UNC13C: variants seen among roughly 807,000 people sequenced by gnomAD.
UNC13C encodes the protein unc-13 homolog C.
Under a neutral mutation model 245.4 loss-of-function variants are expected in UNC13C, and 174 were observed. The ratio of observed to expected loss-of-function variants is 0.71; its 90% CI spans 0.63 to 0.80. UNC13C has a LOEUF of 0.80. Among genes scored for constraint, UNC13C ranks in the 30% least tolerant of loss-of-function variants. The pLI, the probability that UNC13C is intolerant of heterozygous loss-of-function variation, is 0.00. For synonymous variants in UNC13C, 992 were observed against 895.1 expected (o/e 1.11, Z -1.93); for missense variants, 2,829 against 2,602.9 (o/e 1.09, Z -1.89).
At chr15:54,370,995 A>G (rs2039474984) in intron 17 of UNC13C, among the ~76,000 whole-genome samples, 1 of 152,164 alleles carries the variant, frequency 6.6e-6, no homozygotes, top group African/African-American at 2.4e-5. Flanking sequence ...GCATGACCTC[A>G]CATAGTTATG....
At chr15:54,107,011 A>G (rs1900481419) in intron 2 of UNC13C, among the ~76,000 whole-genome samples, 1 of 152,210 alleles carries the variant, frequency 6.6e-6, no homozygotes, top group Non-Finnish European at 1.5e-5. Flanking sequence ...ACATTATCCA[A>G]ATTAGTTTGT....
At chr15:54,484,036 T>C (rs1893272140) in intron 19 of UNC13C, among the ~76,000 whole-genome samples, 1 of 151,884 alleles carries the variant, frequency 6.6e-6, no homozygotes, top group East Asian at 1.9e-4. Flanking sequence ...TTGAATTATT[T>C]GTTGCAGGGT....
chr15:54,197,522 T>C (rs1404492338), intron 4 of UNC13C, among the ~76,000 whole-genome samples: 1 of 152,086 alleles, frequency 6.6e-6, no homozygotes, highest in South Asian at 2.1e-4. Context: ...AGGTTTAATA[T>C]ACAAAACTCA....
chr15:54,630,949 T>C (rs1901446120), downstream of UNC13C: 1 of 152,176 alleles, frequency 6.6e-6, no homozygotes, highest in Non-Finnish European at 1.5e-5. Context: ...TATTAGTACA[T>C]GTTTCTTCTT....
chr15:54,524,182 G>A (rs1031155961), intron 24 of UNC13C, among the ~76,000 whole-genome samples: 1 of 150,326 alleles, frequency 6.7e-6, no homozygotes, highest in African/African-American at 2.5e-5. Flanking sequence ...AAAGTATGAA[G>A]CTCACAGATA....
At chr15:54,140,352 A>G (rs1192529054) in intron 2 of UNC13C, among the ~76,000 whole-genome samples, 1 of 152,230 alleles carries the variant, frequency 6.6e-6, no homozygotes, top group Non-Finnish European at 1.5e-5. Flanking sequence ...AATATTTAAG[A>G]AATGGTTATT....
At position 54,212,401 on chromosome 15, in the gene UNC13C, T is replaced by C. The variant is rs117670401; in HGVS notation, c.3072-22629T>C. Among the ~76,000 whole-genome samples the C allele has an allele frequency of 1.1e-4, 17 of 152,228 alleles. No homozygotes were observed. The East Asian group carries it at 2.3e-3, about 21-fold the overall frequency. Reference sequence around the variant, plus strand: ...CATTCTACTGTTCAGATGATTCTTATCTAAGTCCAGAGAATCATATACAGT... The same window carrying C: ...CATTCTACTGTTCAGATGATTCTTACCTAAGTCCAGAGAATCATATACAGT... On this transcript the variant is annotated intron_variant, in intron 4 of 32. Transcript: ENST00000260323.
intron 1 of UNC13C, among the ~76,000 whole-genome samples, chr15:53,979,249 T>C (rs1893826958): frequency 7.0e-6 from 1 of 143,742 alleles, no homozygotes; most frequent in Non-Finnish European, 1.6e-5. Context: ...CCATAACCCC[T>C]CGGAATTTTG....
chr15:54,551,891 C>T (rs1896753146), intron 28 of UNC13C, among the ~76,000 whole-genome samples: 1 of 151,720 alleles, frequency 6.6e-6, no homozygotes. Context: ...TTGTATAAAA[C>T]TATTTCCTCT....
chr15:54,276,220 G>T (rs967896743), intron 10 of UNC13C, among the ~76,000 whole-genome samples: 1 of 152,074 alleles, frequency 6.6e-6, no homozygotes, highest in African/African-American at 2.4e-5. Context: ...GTTAATCATG[G>T]TGATGATTAT....
chr15:54,015,187 AGTCAAAGTGAATT>A lies in UNC13C; in HGVS notation c.2286_2298del (p.Gln763LysfsTer17). On this transcript the variant is annotated frameshift_variant, in exon 2 of 33. Coordinates refer to ENST00000260323, the MANE Select transcript of UNC13C (RefSeq NM_001080534.3). LOFTEE classifies it high-confidence loss of function. ...AAACCAGTTGTCCATGATGTATCGA[AGTCAAAGTGAATT>A]GCAAAGTGATGATTCAGAGGATGCC... is the stretch of plus-strand genomic sequence containing the variant. 1 of 1,613,114 alleles carries A rather than the reference AGTCAAAGTGAATT, an allele frequency of 6.2e-7. No individual in the cohort carries two copies. Among genetic ancestry groups the A allele is most frequent in the Non-Finnish European group, 8.5e-7 (1 of 1,179,606 alleles).
At chr15:54,194,003 T>C (rs1190842647) in intron 4 of UNC13C, among the ~76,000 whole-genome samples, 1 of 152,144 alleles carries the variant, frequency 6.6e-6, no homozygotes, top group Non-Finnish European at 1.5e-5. Flanking sequence ...GTAGTCCAAA[T>C]GCAGTGAACC....
intron 19 of UNC13C, among the ~76,000 whole-genome samples, chr15:54,452,942 G>A (rs1404476357): frequency 6.6e-6 from 1 of 152,214 alleles, no homozygotes; most frequent in Non-Finnish European, 1.5e-5. Flanking sequence ...GCAGCTCTCA[G>A]CAGGGGATGA....
intron 2 of UNC13C, among the ~76,000 whole-genome samples, chr15:54,074,251 A>T (rs1898479604): frequency 2.0e-5 from 3 of 152,148 alleles, no homozygotes; most frequent in Admixed American, 2.0e-4. Context: ...CTGTTTTGGT[A>T]CCACTACCAT....
chr15:54,527,019 G>A (rs903191139), intron 25 of UNC13C, among the ~76,000 whole-genome samples: 1 of 152,126 alleles, frequency 6.6e-6, no homozygotes, highest in East Asian at 1.9e-4. Flanking sequence ...AGGTGGCCTT[G>A]TCTTCATGGA....
intron 17 of UNC13C, among the ~76,000 whole-genome samples, chr15:54,376,795 G>A (rs755774288): frequency 3.3e-5 from 5 of 152,220 alleles, no homozygotes; most frequent in African/African-American, 4.8e-5. Flanking sequence ...TGTCCCAGTG[G>A]AAGATGGTGA....
chr15:54,478,964 T>C (rs12900373), intron 19 of UNC13C, among the ~76,000 whole-genome samples: 62,483 of 151,574 alleles, frequency 0.41, 13,148 homozygotes, highest in East Asian at 0.62. Context: ...TTGTAGGTCA[T>C]TCAGGACTTG....
At chr15:54,491,461 C>A (rs892099821) in intron 19 of UNC13C, among the ~76,000 whole-genome samples, 1 of 151,968 alleles carries the variant, frequency 6.6e-6, no homozygotes, top group African/African-American at 2.4e-5. Flanking sequence ...ATGTAATTAT[C>A]AATATGCATA....
At chr15:54,306,415 T>C (rs547419702) in intron 13 of UNC13C, among the ~76,000 whole-genome samples, 70 of 152,026 alleles carry the variant, frequency 4.6e-4, no homozygotes, top group Admixed American at 2.3e-3. Flanking sequence ...GTTCCCCTTC[T>C]CTAAGGAACA....
Sources: allele counts gnomAD v4.1 joint callset (sites outside exome capture counted in the v4.1 genomes callset), GRCh38; gene constraint gnomAD v4.1.1; transcripts MANE v1.5; gene names NCBI Gene and HGNC (gene_info 2026-07-23, HGNC 2026-07-21).